SFMBT1: variants seen among roughly 807,000 people sequenced by gnomAD.
The protein encoded by SFMBT1 is scm-like with four MBT domains protein 1.
Under a neutral mutation model 108.7 loss-of-function variants are expected in SFMBT1, and 32 were observed. The observed-to-expected ratio is 0.29, with a 90% confidence interval of 0.22 to 0.40. The LOEUF (loss-of-function observed/expected upper bound fraction) is 0.40. Ranked by LOEUF, SFMBT1 falls within the 10% of genes least tolerant of loss-of-function variation. SFMBT1 has a pLI of 1.00. For missense variants in SFMBT1, 816 were observed against 1,059.6 expected (o/e 0.77, Z 3.19); for synonymous variants, 348 against 369.5 (o/e 0.94, Z 0.67).
rs201033035 is a variant in SFMBT1 at position 52,923,203 on chromosome 3, GGT to G, written c.1132-1374_1132-1373del. Reference sequence around the variant, plus strand: ...TATGCAAGAAGAAAACTTCCCAAAAGGTGTGTGTGTGGGGGGTGGATTAATTA... The same window carrying G: ...TATGCAAGAAGAAAACTTCCCAAAAGGTGTGTGTGGGGGGTGGATTAATTA... On this transcript the variant is annotated intron_variant, in intron 10 of 20. Transcript: ENST00000394752. Among the ~76,000 whole-genome samples the G allele has an allele frequency of 4.6e-5, 7 of 152,280 alleles. No individual in the cohort carries two copies. The South Asian group carries it at 1.5e-3, about 32-fold the overall frequency.
intron 1 of SFMBT1, among the ~76,000 whole-genome samples, chr3:53,028,787 G>A (rs996671440): frequency 2.0e-5 from 3 of 152,154 alleles, no homozygotes; most frequent in African/African-American, 7.2e-5. Flanking sequence ...TCGTGGCTGG[G>A]AACCCTTGCA....
At chr3:52,926,828 G>A (rs1203127914) in intron 9 of SFMBT1, among the ~76,000 whole-genome samples, 1 of 152,032 alleles carries the variant, frequency 6.6e-6, no homozygotes, top group Non-Finnish European at 1.5e-5. Context: ...AGCCTCCAGA[G>A]AGCTTAATGT....
chr3:52,955,242 G>A (rs569957113), intron 2 of SFMBT1, among the ~76,000 whole-genome samples: 9 of 151,794 alleles, frequency 5.9e-5, no homozygotes, highest in Admixed American at 1.3e-4. Flanking sequence ...GTGAAACCCC[G>A]TCTCTACTAA....
Position 52,930,880 on chromosome 3 carries a change from T to G in SFMBT1, c.795+61A>C, listed in dbSNP as rs1702836159. 86 of 1,402,278 alleles carry G rather than the reference T, an allele frequency of 6.1e-5. 1 individual carries two copies. In the South Asian group the frequency reaches 9.3e-4, roughly 15 times the overall value. The allele number at this position is 1,402,278 out of a possible 1,614,324, so 86.9% of individuals were successfully genotyped here. A position where few individuals can be genotyped will look rare whatever the true frequency, so the allele number is the denominator to read the frequency against. On this transcript the variant is annotated intron_variant, in intron 7 of 20. Coordinates refer to ENST00000394752, the MANE Select transcript of SFMBT1 (RefSeq NM_016329.4). ...GGGGCTGCTTTACACTTTCACCTCCTGCGTTGCTTTACTCTACTGTAAGGG... is the reference window on the plus strand; with the variant it reads ...GGGGCTGCTTTACACTTTCACCTCCGGCGTTGCTTTACTCTACTGTAAGGG...
intron 14 of SFMBT1, among the ~76,000 whole-genome samples, chr3:52,914,127 T>C (rs775643214): frequency 3.3e-5 from 5 of 152,084 alleles, no homozygotes; most frequent in Non-Finnish European, 5.9e-5. Context: ...GGGCTAAAAG[T>C]ATGCTGTGAC....
At chr3:53,013,070 A>G (rs1699008288) in intron 1 of SFMBT1, among the ~76,000 whole-genome samples, 1 of 151,814 alleles carries the variant, frequency 6.6e-6, no homozygotes, top group Non-Finnish European at 1.5e-5. Context: ...AGCATCTAAA[A>G]GACCAATCAC....
chr3:52,976,130 A>G (rs1040427038), intron 1 of SFMBT1, among the ~76,000 whole-genome samples: 3 of 151,428 alleles, frequency 2.0e-5, no homozygotes, highest in Middle Eastern at 3.4e-3. Context: ...AGCCAGACAC[A>G]GTGGCTCATG....
intron 5 of SFMBT1, 48 bp from the exon 6 acceptor site, chr3:52,932,356 T>A: frequency 1.3e-6 from 2 of 1,565,146 alleles, no homozygotes; most frequent in Non-Finnish European, 1.7e-6. Flanking sequence ...ATTAACATAA[T>A]ATTTTTGAAA....
In SFMBT1 at chr3:52,904,876, C is replaced by G. The variant is rs944047357; in HGVS notation, c.*260G>C. On this transcript the variant is annotated 3_prime_UTR_variant, in exon 21 of 21. Coordinates refer to ENST00000394752, the MANE Select transcript of SFMBT1 (RefSeq NM_016329.4). ...GAAATGCTTTTCTTCTTATATAAGTCTTTTCCTCACAACCTTTATTTTTTA... is the reference window on the plus strand; with the variant it reads ...GAAATGCTTTTCTTCTTATATAAGTGTTTTCCTCACAACCTTTATTTTTTA... 5 of 369,264 alleles carry G rather than the reference C, an allele frequency of 1.4e-5. No individual in the cohort carries two copies. Among genetic ancestry groups the G allele is most frequent in the Admixed American group, 9.1e-5 (2 of 22,070 alleles). The allele number at this position is 369,264 out of a possible 1,614,324, so 22.9% of individuals were successfully genotyped here. A position where few individuals can be genotyped will look rare whatever the true frequency, so the allele number is the denominator to read the frequency against.
intron 1 of SFMBT1, among the ~76,000 whole-genome samples, chr3:53,042,309 C>T (rs1020807979): frequency 2.6e-5 from 4 of 152,300 alleles, no homozygotes; most frequent in African/African-American, 7.2e-5. Context: ...ACTACAGAAG[C>T]AGGAAGATTA....
intron 1 of SFMBT1, chr3:53,018,933 T>C (rs1699210792): frequency 6.6e-6 from 1 of 152,474 alleles, no homozygotes; most frequent in Non-Finnish European, 1.5e-5. Context: ...TGGGGTTTGG[T>C]GCTGTGTTCT....
intron 1 of SFMBT1, among the ~76,000 whole-genome samples, chr3:52,988,429 A>T (rs1705005084): frequency 6.6e-6 from 1 of 152,144 alleles, no homozygotes; most frequent in Non-Finnish European, 1.5e-5. Context: ...AGAACACCTC[A>T]AGAACCTGTC....
At chr3:52,973,756 AAGTAGCTGGGATTACAGGC>A (rs1553639823) in intron 1 of SFMBT1, among the ~76,000 whole-genome samples, 1 of 152,054 alleles carries the variant, frequency 6.6e-6, no homozygotes, top group Non-Finnish European at 1.5e-5. Flanking sequence ...TTAGCCTCCC[AAGTAGCTGGGATTACAGGC>A]ATGAGCTACC....
rs910800547 is a variant in SFMBT1, at chr3:52,913,725, T to C, written c.1481-108A>G. On this transcript the variant is annotated intron_variant, in intron 14 of 20. Transcript: ENST00000394752. ...CGAAGCACATGTACCATTATATTAA[T>C]ATAAAGTTTGGAATTACTTATTTTG... is the stretch of plus-strand genomic sequence containing the variant. 29 of 1,200,556 alleles carry C rather than the reference T, an allele frequency of 2.4e-5. No individual in the cohort carries two copies. The African/African-American group carries it at 4.5e-4, about 18-fold the overall frequency. 74.4% of individuals were successfully genotyped at this position (1,200,556 alleles called of 1,614,324 possible).
At chr3:53,012,935 T>C (rs902793056) in intron 1 of SFMBT1, among the ~76,000 whole-genome samples, 1 of 151,624 alleles carries the variant, frequency 6.6e-6, no homozygotes, top group Admixed American at 6.6e-5. Flanking sequence ...TGCTTTATAG[T>C]TGAAAAGCTA....
In SFMBT1 at chr3:52,912,660, T is replaced by G; in HGVS notation, c.1621-13A>C. On this transcript the variant is annotated splice_polypyrimidine_tract_variant and intron_variant, in intron 15 of 20. Transcript: ENST00000394752. ...GTAAAGTGAGGACCTGAGCTCAGTTTTAAAGCAGAAACACAGATTGGGAAG... is the reference window on the plus strand; with the variant it reads ...GTAAAGTGAGGACCTGAGCTCAGTTGTAAAGCAGAAACACAGATTGGGAAG... 6.3e-7 allele frequency: 1 copy of G among 1,597,906 alleles called. No individual in the cohort carries two copies. The highest frequency in any genetic ancestry group is 8.6e-7 in the Non-Finnish European group (1 of 1,165,620).
Position 52,921,719 on chromosome 3 carries a change from C to A in SFMBT1, c.1244G>T (p.Trp415Leu). The A allele has an allele frequency of 1.2e-6, 2 of 1,614,052 alleles. No homozygotes were observed. ...CTGGCACTCACCCTCCAGCTGGAGC[C>A]ACAGGTAGGAGCCTCTCACTGCAGT... is the stretch of plus-strand genomic sequence containing the variant. ...TITAVRGSYLWLQLEGSKKPI... is the reference protein window; with the variant it reads ...TITAVRGSYLLLQLEGSKKPI... The change falls in exon 11 of 21, where the codon TGG becomes TTG. Residue 415 changes from tryptophan (W) to leucine (L), a missense_variant. By Grantham distance (61) the Trp-to-Leu change is moderately conservative. Around this residue, in one of 5 missense-constraint regions of SFMBT1, gnomAD observed 495 missense variants for 607.4 expected, o/e 0.81. Coordinates refer to ENST00000394752, the MANE Select transcript of SFMBT1 (RefSeq NM_016329.4).
intron 1 of SFMBT1, among the ~76,000 whole-genome samples, chr3:53,027,915 T>G (rs1168135618): frequency 6.6e-6 from 1 of 152,240 alleles, no homozygotes; most frequent in African/African-American, 2.4e-5. Flanking sequence ...CCTTGAGCAC[T>G]ATGATATAAA....
chr3:53,002,921 T>C lies in SFMBT1; in HGVS notation c.-130-33663A>G, dbSNP rs181250179. ...GTCCTGGCTGAGGCAAGCGGATCAC[T>C]TGAAGTCAGGAATTTGAGGGTAAAA... On this transcript the variant is annotated intron_variant, in intron 1 of 20. Transcript: ENST00000394752. 2.2e-4 allele frequency among the ~76,000 whole-genome samples: 33 copies of C among 149,988 alleles called. 1 individual carries two copies. The highest frequency in any genetic ancestry group is 7.0e-4 in the African/African-American group (29 of 41,302).
Sources: gnomAD v4.1 joint callset for allele counts (sites outside exome capture counted in the v4.1 genomes callset) on GRCh38, gnomAD v4.1.1 for gene constraint, gnomAD v4.1.1 regional missense constraint, MANE v1.5 for transcripts, NCBI Gene and HGNC (gene_info 2026-07-23, HGNC 2026-07-21) for gene names.